CASP10: variants seen among roughly 807,000 people sequenced by gnomAD.
The protein encoded by CASP10 is caspase 10, also known as caspase-10.
Under a neutral mutation model 48.5 loss-of-function variants are expected in CASP10, and 41 were observed. The ratio of observed to expected loss-of-function variants is 0.85; its 90% CI spans 0.66 to 1.10. The LOEUF is 1.10. Ranked by LOEUF, CASP10 falls within the 50% of genes least tolerant of loss-of-function variation. The pLI, the probability that CASP10 is intolerant of heterozygous loss-of-function variation, is 0.00. For synonymous variants in CASP10, 232 were observed against 238.4 expected (o/e 0.97, Z 0.25); for missense variants, 614 against 614.5 (o/e 1.00, Z 0.01).
chr2:201,229,289 C>A, exon 10 of CASP10: 1 of 607,632 alleles, frequency 1.6e-6, no homozygotes, highest in Admixed American at 3.0e-5. Context: ...CGTAAACATA[C>A]TTCTAAAATT....
intron 9 of CASP10, chr2:201,214,018 CAT>C (rs1945488685): frequency 6.6e-6 from 1 of 152,088 alleles, no homozygotes; most frequent in Non-Finnish European, 1.5e-5. Flanking sequence ...TTTGGGAAGT[CAT>C]AGGTGAAGTC....
At chr2:201,187,608 C>A in intron 2 of CASP10, 98 bp from the exon 3 acceptor site, 2 of 896,722 alleles carry the variant, frequency 2.2e-6, no homozygotes, top group Non-Finnish European at 3.8e-6. Flanking sequence ...TAGAGTTGAT[C>A]ATTCAAATGA....
intron 6 of CASP10, among the ~76,000 whole-genome samples, chr2:201,205,517 C>T (rs1449836133): frequency 1.3e-5 from 2 of 152,140 alleles, no homozygotes; most frequent in Non-Finnish European, 2.9e-5. Flanking sequence ...AGGCATGAGC[C>T]ACCACGCCCA....
intron 1 of CASP10, among the ~76,000 whole-genome samples, chr2:201,183,594 C>T (rs534805143): frequency 9.9e-5 from 15 of 152,234 alleles, no homozygotes; most frequent in African/African-American, 3.1e-4. Flanking sequence ...ATGCTAGATG[C>T]GGTAGAATAG....
At chr2:201,185,212 G>T (rs1214580596) in intron 1 of CASP10, among the ~76,000 whole-genome samples, 1 of 152,064 alleles carries the variant, frequency 6.6e-6, no homozygotes, top group East Asian at 1.9e-4. Context: ...CAGGCTTGAG[G>T]TCTAGGATTA....
chr2:201,222,404 A>G (rs573142834), downstream of CASP10, among the ~76,000 whole-genome samples: 1 of 152,096 alleles, frequency 6.6e-6, no homozygotes, highest in East Asian at 1.9e-4. Context: ...TCTAGTAGAA[A>G]CAGGGTTTTG....
downstream of CASP10, among the ~76,000 whole-genome samples, chr2:201,222,850 C>T (rs550011682): frequency 5.3e-5 from 8 of 152,292 alleles, no homozygotes; most frequent in African/African-American, 1.2e-4. Context: ...CAAATCTCCA[C>T]GGAGGTAAAC....
chr2:201,200,422 A>G (rs1040075909), intron 5 of CASP10: 1 of 1,597,476 alleles, frequency 6.3e-7, no homozygotes, highest in Non-Finnish European at 8.5e-7. Context: ...ACTGTAAAGA[A>G]GGACCCTCCT....
intron 9 of CASP10, among the ~76,000 whole-genome samples, chr2:201,216,985 T>A: frequency 6.6e-6 from 1 of 152,212 alleles, no homozygotes; most frequent in East Asian, 1.9e-4. Flanking sequence ...CCTCTGAACT[T>A]GCAGTGGAAC....
chr2:201,221,196 C>A lies in CASP10; in HGVS notation c.*3455C>A. 1.0e-6 allele frequency: 1 copy of A among 985,428 alleles called. No homozygotes were observed. Among genetic ancestry groups the A allele is most frequent in the Non-Finnish European group, 1.2e-6 (1 of 829,946 alleles). 61.0% of individuals were successfully genotyped at this position (985,428 alleles called of 1,614,324 possible). A position where few individuals can be genotyped will look rare whatever the true frequency, so the allele number is the denominator to read the frequency against. On this transcript the variant is annotated 3_prime_UTR_variant, in exon 10 of 10. Transcript: ENST00000286186. ...GCACTAGCATTACCCCTGACATACT[C>A]TGAGTAAGATCTAATTCTTCCCTCA...
intron 3 of CASP10, among the ~76,000 whole-genome samples, chr2:201,189,914 G>A (rs758511749): frequency 1.8e-4 from 27 of 152,126 alleles, no homozygotes; most frequent in Non-Finnish European, 3.2e-4. Context: ...TGGGAGGATC[G>A]CTCGAGCCCA....
At chr2:201,210,332 C>A (rs987803813) in intron 9 of CASP10, among the ~76,000 whole-genome samples, 1 of 152,188 alleles carries the variant, frequency 6.6e-6, no homozygotes, top group Non-Finnish European at 1.5e-5. Context: ...TTCCTGGGGG[C>A]AGAGACCCTG....
In CASP10 at chr2:201,209,403, C is replaced by T. The variant is rs779097315; in HGVS notation, c.1256C>T (p.Pro419Leu). ...SVSIEADALN[P>L]EQAPTSLQDS... ...TCCATCGAAGCAGATGCTCTGAACC[C>T]TGAGCAGGCACCCACTTCCCTGCAG... The change falls in exon 9 of 10, where the codon CCT becomes CTT. Residue 419 changes from proline to leucine, a missense_variant. Physicochemically the swap from Pro to Leu is moderately conservative, Grantham distance 98. Coordinates refer to ENST00000286186, the MANE Select transcript of CASP10 (RefSeq NM_032977.4). 1 of 1,614,126 alleles carries T rather than the reference C, an allele frequency of 6.2e-7. No homozygotes were observed. Among genetic ancestry groups the T allele is most frequent in the Non-Finnish European group, 8.5e-7 (1 of 1,180,028 alleles).
downstream of CASP10, among the ~76,000 whole-genome samples, chr2:201,226,454 T>C (rs553923537): frequency 7.9e-5 from 12 of 152,332 alleles, 1 homozygote; most frequent in African/African-American, 2.4e-4. Context: ...AATTCCATTT[T>C]TGGATCTATG....
rs776737353 is a variant in CASP10 at position 201,205,963 on chromosome 2, C to G, written c.803C>G (p.Thr268Ser). The G allele has an allele frequency of 4.3e-6, 7 of 1,609,678 alleles. No individual in the cohort carries two copies. In the South Asian group the frequency reaches 6.6e-5, roughly 15 times the overall value. ...TCTGCTAACACTCTAAACTCTGAAA[C>G]CAGCACAAAGGTCTGGATGGTTTCT... is the stretch of plus-strand genomic sequence containing the variant. ...GASANTLNSE[T>S]STKRAAVYRM... The change falls in exon 7 of 10, where the codon ACC becomes AGC. Residue 268 changes from threonine to serine, a missense_variant. Coordinates refer to ENST00000286186, the MANE Select transcript of CASP10 (RefSeq NM_032977.4).
chr2:201,222,317 A>G (rs998258256), downstream of CASP10, among the ~76,000 whole-genome samples: 1 of 151,508 alleles, frequency 6.6e-6, no homozygotes, highest in African/African-American at 2.4e-5. Context: ...CCTGGGTTCA[A>G]GCGATTCTCC....
At chr2:201,196,725 A>G (rs929852673) in intron 5 of CASP10, among the ~76,000 whole-genome samples, 1 of 152,242 alleles carries the variant, frequency 6.6e-6, no homozygotes, top group African/African-American at 2.4e-5. Context: ...TATACAGTTC[A>G]GTAATGTTAA....
chr2:201,209,634 C>A (rs1008330619), intron 9 of CASP10, 72 bp downstream of exon 9: 2 of 1,465,518 alleles, frequency 1.4e-6, no homozygotes, highest in East Asian at 4.9e-5. Context: ...TCTCATTCAA[C>A]ACCTTTGGTA....
In CASP10 at chr2:201,203,593, C is replaced by T. The variant is rs531457425; in HGVS notation, c.685-137C>T. 10 of 788,096 alleles carry T rather than the reference C, an allele frequency of 1.3e-5. No homozygotes were observed. The Admixed American group carries it at 1.7e-4, about 13-fold the overall frequency. The allele number at this position is 788,096 out of a possible 1,614,324, so 48.8% of individuals were successfully genotyped here. A position where few individuals can be genotyped will look rare whatever the true frequency, so the allele number is the denominator to read the frequency against. ...AAGTGCTGGGATTACAGGCATGAGC[C>T]ACCGCAACCGGCCCAATGACCTTTT... On this transcript the variant is annotated intron_variant, in intron 5 of 9. Coordinates refer to ENST00000286186, the MANE Select transcript of CASP10 (RefSeq NM_032977.4).
Sources: allele counts gnomAD v4.1 joint callset (sites outside exome capture counted in the v4.1 genomes callset), GRCh38; gene constraint gnomAD v4.1.1; transcripts MANE v1.5; gene names NCBI Gene and HGNC (gene_info 2026-07-23, HGNC 2026-07-21).